RELA: variants seen among roughly 807,000 people sequenced by gnomAD.
RELA encodes the protein RELA proto-oncogene, NF-kB subunit.
Under a neutral mutation model 56.7 loss-of-function variants are expected in RELA, and 14 were observed. The ratio of observed to expected loss-of-function variants is 0.25; its 90% CI spans 0.16 to 0.39. The LOEUF (loss-of-function observed/expected upper bound fraction) is 0.39, where lower values mean the gene tolerates loss of function less well. Ranked by LOEUF, RELA falls within the 10% of genes least tolerant of loss-of-function variation. RELA has a pLI of 1.00. For missense variants in RELA, 559 were observed against 736.4 expected, an observed-to-expected ratio of 0.76 and a Z score of 2.79; for synonymous variants, 315 against 289.7, an observed-to-expected ratio of 1.09 and a Z score of -0.89.
Position 65,658,546 on chromosome 11 carries a change from A to G in RELA, c.665-47T>C, listed in dbSNP as rs772144179. On this transcript the variant is annotated intron_variant, in intron 7 of 10. Transcript: ENST00000406246. This position sits in a 1 kb window ranked among gnomAD's most constrained non-coding sequence, Gnocchi z 4.5. ...TGTGGGTCAGTGTGTCTAACCCTCC[A>G]TGGTCTCCCCCTCAACTTCTGATGC... 12 of 1,498,698 alleles carry G rather than the reference A, an allele frequency of 8.0e-6. No individual in the cohort carries two copies. The South Asian group carries it at 1.2e-4, about 15-fold the overall frequency. The allele number at this position is 1,498,698 out of a possible 1,614,324, so 92.8% of individuals were successfully genotyped here. A position where few individuals can be genotyped will look rare whatever the true frequency, so the allele number is the denominator to read the frequency against.
In RELA at chr11:65,658,325, A is replaced by T. The variant is rs763514130; in HGVS notation, c.839T>A (p.Leu280His). 1.2e-6 allele frequency: 2 copies of T among 1,610,120 alleles called. No individual in the cohort carries two copies. Among genetic ancestry groups the T allele is most frequent in the Non-Finnish European group, 1.7e-6 (2 of 1,178,800 alleles). ...MQLRRPSDRE[L>H]SEPMEFQYLP... ...GTACTGGAATTCCATGGGCTCACTG[A>T]GCTCCCGGTCGGAAGGCCGCCGCAG... Residue 280 changes from leucine (L) to histidine (H), a missense_variant, in exon 8 of 11, where the codon CTC (leucine) becomes CAC (histidine). Physicochemically the swap from Leu to His is moderately conservative, Grantham distance 99 (BLOSUM62 -3). Coordinates refer to ENST00000406246, the MANE Select transcript of RELA (RefSeq NM_021975.4). The surrounding 1 kb of genome is among the most constrained non-coding windows in gnomAD (Gnocchi z 4.5).
At position 65,655,820 on chromosome 11, in the gene RELA, G is replaced by A. The variant is rs758636815; in HGVS notation, c.958+35C>T. Reference sequence around the variant, plus strand: ...CCAGGGTGTCCCCTCCCTGCCCGCTGCCTTCCTCTCTGGCTTTCCCAGTCC... The same window carrying A: ...CCAGGGTGTCCCCTCCCTGCCCGCTACCTTCCTCTCTGGCTTTCCCAGTCC... On this transcript the variant is annotated intron_variant, in intron 9 of 10. Coordinates refer to ENST00000406246, the MANE Select transcript of RELA (RefSeq NM_021975.4). 3 of 1,612,926 alleles carry A rather than the reference G, an allele frequency of 1.9e-6. No homozygotes were observed. In the South Asian group the frequency reaches 3.3e-5, roughly 18 times the overall value.
At chr11:65,655,993 C>A in intron 8 of RELA, 58 bp from the exon 9 acceptor site, 1 of 1,447,028 alleles carries the variant, frequency 6.9e-7, no homozygotes, top group South Asian at 1.1e-5. Context: ...CCCCGACGCT[C>A]TCAAAGGTCC....
At chr11:65,655,317 G>A (rs1270111655) in intron 10 of RELA, 17 of 568,956 alleles carry the variant, frequency 3.0e-5, no homozygotes, top group Admixed American at 1.3e-4. Context: ...GAGGCAATGA[G>A]CCCATGGAGC....
At chr11:65,663,431 G>A (rs1387786801), upstream of RELA, among the ~76,000 whole-genome samples, 1 of 152,144 alleles carries the variant, frequency 6.6e-6, no homozygotes, top group East Asian at 1.9e-4. Flanking sequence ...ATCTAGATGC[G>A]GCTGTGGGGG....
rs571120879 is a variant in RELA at position 65,654,396 on chromosome 11, C to T, written c.1638G>A (p.Leu546=). 9 of 1,612,992 alleles carry T rather than the reference C, an allele frequency of 5.6e-6. No individual in the cohort carries two copies. In the South Asian group the frequency reaches 6.6e-5, roughly 12 times the overall value. ...SIADMDFSAL[L]SQISS Reference sequence around the variant, plus strand: ...CACCCCCTTAGGAGCTGATCTGACTCAGCAGGGCTGAGAAGTCCATGTCCG... The same window carrying T: ...CACCCCCTTAGGAGCTGATCTGACTTAGCAGGGCTGAGAAGTCCATGTCCG... Residue 546 remains leucine, a synonymous_variant, in exon 11 of 11, where the codon CTG becomes CTA. Coordinates refer to ENST00000406246, the MANE Select transcript of RELA (RefSeq NM_021975.4).
intron 10 of RELA, 76 bp downstream of exon 10, chr11:65,655,612 G>T: frequency 7.0e-7 from 1 of 1,422,112 alleles, no homozygotes; most frequent in Non-Finnish European, 9.9e-7. Context: ...TGGGGCCCAG[G>T]AGTCTTCATC....
Position 65,654,221 on chromosome 11 carries a change from A to T in RELA, c.*157T>A. ...TCCAAAAAGAGAGAGAGATACAGAT[A>T]CTGACAATAAAAGAATAAAATATGG... On this transcript the variant is annotated 3_prime_UTR_variant, in exon 11 of 11. Transcript: ENST00000406246. The T allele has an allele frequency of 1.1e-6, 1 of 880,722 alleles. No homozygotes were observed. The highest frequency in any genetic ancestry group is 1.9e-6 in the Non-Finnish European group (1 of 538,314). The allele number at this position is 880,722 out of a possible 1,614,324, so 54.6% of individuals were successfully genotyped here.
chr11:65,662,986 C>G (rs1342931109), upstream of RELA: 2 of 479,266 alleles, frequency 4.2e-6, no homozygotes, highest in Non-Finnish European at 6.0e-6. Context: ...CCGCCGCCGC[C>G]CGGCGCAGGG....
rs753627793 is a variant in RELA, at chr11:65,662,041, T to G, written c.82A>C (p.Lys28Gln). The G allele has an allele frequency of 6.2e-7, 1 of 1,612,986 alleles. No homozygotes were observed. Residue 28 changes from lysine (K) to glutamine (Q), a missense_variant, in exon 3 of 11, where the codon AAG becomes CAG. Lys to Gln is a moderately conservative substitution (Grantham distance 53). Coordinates refer to ENST00000406246, the MANE Select transcript of RELA (RefSeq NM_021975.4). ...TAGCGGAAGCGCATGCCCCGCTGCT[T>G]GGGCTGCTCAATGATCTCCACATAG... is the stretch of plus-strand genomic sequence containing the variant. ...GPYVEIIEQP[K>Q]QRGMRFRYKC...
At chr11:65,656,666 G>C (rs538604354) in intron 8 of RELA, among the ~76,000 whole-genome samples, 1 of 152,328 alleles carries the variant, frequency 6.6e-6, no homozygotes, top group African/African-American at 2.4e-5. Context: ...TGCACACAAG[G>C]TGTCTGCTCC....
intron 10 of RELA, 64 bp downstream of exon 10, chr11:65,655,624 C>A: frequency 6.6e-7 from 1 of 1,509,568 alleles, no homozygotes; most frequent in Non-Finnish European, 9.2e-7. Context: ...GTCTTCATCT[C>A]CACTGCTCCT....
Position 65,659,553 on chromosome 11 carries a change from C to T in RELA, c.559+113G>A, listed in dbSNP as rs530379447. 306 of 1,341,824 alleles carry T rather than the reference C, an allele frequency of 2.3e-4. 1 individual carries two copies. The Middle Eastern group carries it at 2.4e-3, about 10-fold the overall frequency. The allele number at this position is 1,341,824 out of a possible 1,614,324, so 83.1% of individuals were successfully genotyped here. ...CTGGGCAGAGAAGAGTAGACAAATA[C>T]GCAAGATGATTGAATGAAGCCAGAG... On this transcript the variant is annotated intron_variant, in intron 6 of 10. Coordinates refer to ENST00000406246, the MANE Select transcript of RELA (RefSeq NM_021975.4).
At chr11:65,655,538 C>A (rs1306422951) in intron 10 of RELA, 150 bp downstream of exon 10, 4 of 701,632 alleles carry the variant, frequency 5.7e-6, no homozygotes, top group Non-Finnish European at 9.9e-6. Context: ...TGTGCATTAG[C>A]ATCCCAGGAA....
In RELA at chr11:65,654,999, T is replaced by C. The variant is rs187885211; in HGVS notation, c.1035A>G (p.Ala345=). 81 of 1,594,620 alleles carry C rather than the reference T, an allele frequency of 5.1e-5. No individual in the cohort carries two copies. The highest frequency in any genetic ancestry group is 6.7e-5 in the Non-Finnish European group (79 of 1,171,408). Residue 345 remains alanine (A), a splice_region_variant and synonymous_variant, in exon 11 of 11, where the codon GCA becomes GCG. Transcript: ENST00000406246. ...ATGACGTAAAGGGATAGGGCTGGGG[T>C]GCTGGAGGAGAGAGACAGAGAGGCA... ...SRSSASVPKP[A]PQPYPFTSSL...
rs192958953 is a variant in RELA, at chr11:65,656,617, C to T, written c.878-682G>A. On this transcript the variant is annotated intron_variant, in intron 8 of 10. Coordinates refer to ENST00000406246, the MANE Select transcript of RELA (RefSeq NM_021975.4). ...TATTTATCAAGCACCTACTATGTGC[C>T]AGCCTCCCTTCTAGACACTGGGGAT... Among the ~76,000 whole-genome samples the T allele has an allele frequency of 2.4e-3, 361 of 152,328 alleles. 2 individuals carry two copies. The highest frequency in any genetic ancestry group is 8.5e-3 in the African/African-American group (352 of 41,566).
chr11:65,660,675 T>C (rs1856541532), intron 4 of RELA: 1 of 163,590 alleles, frequency 6.1e-6, no homozygotes, highest in Admixed American at 6.2e-5. Context: ...CCTCGTTTTA[T>C]TTTCAGGACT....
rs1037353058 is a variant in RELA at position 65,653,785 on chromosome 11, C to G, written c.*593G>C. Reference sequence around the variant, plus strand: ...AGAGCAAGGAAGTCCCAGACCAAACCCCTTCTGGATCCTGGAGAGAGCCAG... The same window carrying G: ...AGAGCAAGGAAGTCCCAGACCAAACGCCTTCTGGATCCTGGAGAGAGCCAG... On this transcript the variant is annotated 3_prime_UTR_variant, in exon 11 of 11. Coordinates refer to ENST00000406246, the MANE Select transcript of RELA (RefSeq NM_021975.4). The G allele has an allele frequency of 6.4e-6, 1 of 156,656 alleles. No individual in the cohort carries two copies. The highest frequency in any genetic ancestry group is 2.4e-5 in the African/African-American group (1 of 41,438). The allele number at this position is 156,656 out of a possible 1,614,324, so 9.7% of individuals were successfully genotyped here.
upstream of RELA, among the ~76,000 whole-genome samples, chr11:65,663,481 A>G (rs1027042690): frequency 6.6e-6 from 1 of 152,298 alleles, no homozygotes; most frequent in East Asian, 1.9e-4. Context: ...CAGTGCATCA[A>G]GAGCTTTGCG....
Sources: allele counts gnomAD v4.1 joint callset (sites outside exome capture counted in the v4.1 genomes callset), GRCh38; gene constraint gnomAD v4.1.1; non-coding constraint Gnocchi (gnomAD v3.1); transcripts MANE v1.5; gene names NCBI Gene and HGNC (gene_info 2026-07-23, HGNC 2026-07-21).